The following PPP6R1 variants were observed in gnomAD, a reference collection of about 807,000 sequenced individuals.
PPP6R1 encodes the protein protein phosphatase 6 regulatory subunit 1, also known as serine/threonine-protein phosphatase 6 regulatory subunit 1.
Under a neutral mutation model 104.6 loss-of-function variants are expected in PPP6R1, and 39 were observed. The observed-to-expected ratio is 0.37, with a 90% CI of 0.29 to 0.49. The LOEUF (loss-of-function observed/expected upper bound fraction) is 0.49. Ranked by LOEUF, PPP6R1 falls within the 20% of genes least tolerant of loss-of-function variation. The pLI is 0.98. For synonymous variants in PPP6R1, 549 were observed against 479.0 expected (o/e 1.15, Z -1.91); for missense variants, 1,181 against 1,155.8 (o/e 1.02, Z -0.32).
chr19:55,238,968 GA>G, intron 15 of PPP6R1: 1 of 179,404 alleles, frequency 5.6e-6, no homozygotes. Context: ...CTGTGGAGGG[GA>G]AAACTGGACC....
At position 55,245,120 on chromosome 19, in the gene PPP6R1, A is replaced by G; in HGVS notation, c.618T>C (p.Asn206=). The G allele has an allele frequency of 3.1e-6, 5 of 1,613,316 alleles. No individual in the cohort carries two copies. The highest frequency in any genetic ancestry group is 2.2e-5 in the East Asian group (1 of 44,870). Residue 206 remains asparagine (N), a splice_region_variant and synonymous_variant, in exon 5 of 24, where the codon AAT becomes AAC. Transcript: ENST00000412770. The surrounding 1 kb of genome is among the most constrained non-coding windows in gnomAD (Gnocchi z 6.4). ...CCGCAGGGGCATCGGCAGCACTCAC[A>G]TTCTCATCCTTCGACGGGTGGATCT... ...IEQIHPSKDE[N]QHSNASQSLC...
downstream of PPP6R1, chr19:55,228,906 T>C (rs2087311879): frequency 4.4e-6 from 3 of 676,714 alleles, no homozygotes; most frequent in East Asian, 5.6e-5. Flanking sequence ...TGGCCCTGCC[T>C]GGCGCCCGCT....
At chr19:55,232,352 G>T (rs1429735571) in intron 17 of PPP6R1, 141 bp from the exon 18 acceptor site, 10 of 1,299,498 alleles carry the variant, frequency 7.7e-6, no homozygotes, top group Non-Finnish European at 1.0e-5. Flanking sequence ...GGAGCCTGGG[G>T]TGTGACGACA....
chr19:55,237,869 G>A (rs1196606573), intron 15 of PPP6R1, among the ~76,000 whole-genome samples: 3 of 152,180 alleles, frequency 2.0e-5, no homozygotes, highest in South Asian at 4.1e-4. Context: ...GCCTTGAGAT[G>A]ATCAAACCAG....
intron 17 of PPP6R1, 180 bp downstream of exon 17, chr19:55,236,463 C>T: frequency 2.9e-6 from 2 of 686,278 alleles, no homozygotes; most frequent in Non-Finnish European, 4.6e-6. Flanking sequence ...GCCCACCATG[C>T]TTGGCCTTGA....
At chr19:55,243,286 G>A (rs1470016360) in intron 5 of PPP6R1, among the ~76,000 whole-genome samples, 3 of 151,784 alleles carry the variant, frequency 2.0e-5, no homozygotes, top group South Asian at 2.1e-4. Context: ...AGTGGTAGGC[G>A]CCTGTAGTCC....
At chr19:55,228,754 G>A (rs1260873445), downstream of PPP6R1, 1 of 1,612,636 alleles carries the variant, frequency 6.2e-7, no homozygotes, top group Non-Finnish European at 8.5e-7. Context: ...TGGCCTGATA[G>A]CCCCAGAGCG....
In PPP6R1 at chr19:55,231,996, G is replaced by T. The variant is rs778414814; in HGVS notation, c.2126-14C>A. ...TCCAGCTGGGGCCTGGGATAGAGGT[G>T]GGGGAGCGGGATGGAGGGTGAACTC... On this transcript the variant is annotated splice_polypyrimidine_tract_variant and intron_variant, in intron 18 of 23. Transcript: ENST00000412770. The T allele has an allele frequency of 1.1e-5, 18 of 1,604,676 alleles. No individual in the cohort carries two copies. In the African/African-American group the frequency reaches 2.1e-4, roughly 19 times the overall value.
chr19:55,248,756 G>T (rs1156962077), intron 1 of PPP6R1, among the ~76,000 whole-genome samples: 2 of 152,238 alleles, frequency 1.3e-5, no homozygotes, highest in Non-Finnish European at 2.9e-5. Flanking sequence ...GCCCAGGGAA[G>T]AGACTTCATC....
chr19:55,233,462 A>C (rs1015614052), intron 17 of PPP6R1, among the ~76,000 whole-genome samples: 3 of 152,214 alleles, frequency 2.0e-5, no homozygotes, highest in African/African-American at 7.2e-5. Flanking sequence ...GCAACCAGGC[A>C]AGAAAAGGAA....
In PPP6R1 at chr19:55,231,435, G is replaced by A. The variant is rs200736594; in HGVS notation, c.2434C>T (p.Arg812Cys). Reference sequence around the variant, plus strand: ...CTGTCCGAGGAGCTGGGGGCAGAACGGATCCCGTGGAAGGTGGCCTGAAGG... The same window carrying A: ...CTGTCCGAGGAGCTGGGGGCAGAACAGATCCCGTGGAAGGTGGCCTGAAGG... ...GDLQATFHGI[R>C]SAPSSSDSAT... Residue 812 changes from arginine to cysteine, a missense_variant, in exon 21 of 24, where the codon CGT becomes TGT. This residue lies in a region of PPP6R1 where 1,042 missense variants were observed against 955.6 expected (regional missense o/e 1.09). Transcript: ENST00000412770. 5.6e-3 allele frequency: 8,932 copies of A among 1,605,470 alleles called. 40 individuals carry two copies. Among genetic ancestry groups the A allele is most frequent in the Non-Finnish European group, 6.7e-3 (7,876 of 1,176,580 alleles).
chr19:55,245,032 C>A lies in PPP6R1; in HGVS notation c.618+88G>T. ...GAATTACAGGCGTGAGCCACTGCGT[C>A]CAGCCCCAATTCCTCTTTTAAAAGT... On this transcript the variant is annotated intron_variant, in intron 5 of 23. Coordinates refer to ENST00000412770, the MANE Select transcript of PPP6R1 (RefSeq NM_014931.4). This position sits in a 1 kb window ranked among gnomAD's most constrained non-coding sequence, Gnocchi z 6.4. The A allele has an allele frequency of 6.5e-7, 1 of 1,539,920 alleles. No homozygotes were observed. The highest frequency in any genetic ancestry group is 8.8e-7 in the Non-Finnish European group (1 of 1,134,474).
Position 55,245,070 on chromosome 19 carries a change from A to G in PPP6R1, c.618+50T>C. On this transcript the variant is annotated intron_variant, in intron 5 of 23. Coordinates refer to ENST00000412770, the MANE Select transcript of PPP6R1 (RefSeq NM_014931.4). This position sits in a 1 kb window ranked among gnomAD's most constrained non-coding sequence, Gnocchi z 6.4. ...CTCTTTTAAAAGTGGGGAAGTGGGC[A>G]TGGGGAAGGAACTCTAAGGGGAATC... is the stretch of plus-strand genomic sequence containing the variant. The G allele has an allele frequency of 1.3e-6, 2 of 1,598,782 alleles. No homozygotes were observed. Among genetic ancestry groups the G allele is most frequent in the Non-Finnish European group, 1.7e-6 (2 of 1,171,602 alleles).
At chr19:55,232,337 T>C in intron 17 of PPP6R1, 126 bp from the exon 18 acceptor site, 1 of 1,400,972 alleles carries the variant, frequency 7.1e-7, no homozygotes, top group East Asian at 2.6e-5. Flanking sequence ...CACAGAAGGG[T>C]CCAGGGAGCC....
At chr19:55,252,396 A>ATT (rs1179232184) in intron 1 of PPP6R1, among the ~76,000 whole-genome samples, 27 of 70,564 alleles carry the variant, frequency 3.8e-4, no homozygotes, top group African/African-American at 6.6e-4. Flanking sequence ...TTCTTGGCTG[A>ATT]TTTTTTTTTT....
Position 55,239,506 on chromosome 19 carries a change from T to C in PPP6R1, c.1654-4A>G, listed in dbSNP as rs2087430056. ...GCATCTGGAAGTCCATGAAGGCCTG[T>C]GGGGGTGCGGAGGTTAGGGCTGGAG... On this transcript the variant is annotated splice_region_variant and splice_polypyrimidine_tract_variant and intron_variant, in intron 14 of 23. Transcript: ENST00000412770. 4 of 1,613,772 alleles carry C rather than the reference T, an allele frequency of 2.5e-6. No individual in the cohort carries two copies. In the East Asian group the frequency reaches 8.9e-5, roughly 36 times the overall value.
intron 1 of PPP6R1, among the ~76,000 whole-genome samples, chr19:55,256,323 G>A (rs546387719): frequency 4.6e-5 from 7 of 152,336 alleles, no homozygotes; most frequent in East Asian, 1.9e-4. Flanking sequence ...GGTTCTTTTC[G>A]GTGTTGGGGC....
rs374730352 is a variant in PPP6R1 at position 55,231,792 on chromosome 19, C to T, written c.2306+10G>A. The T allele has an allele frequency of 2.1e-5, 31 of 1,496,318 alleles. No individual in the cohort carries two copies. Among genetic ancestry groups the T allele is most frequent in the Admixed American group, 4.8e-5 (2 of 41,544 alleles). 92.7% of individuals were successfully genotyped at this position (1,496,318 alleles called of 1,614,324 possible). On this transcript the variant is annotated intron_variant, in intron 19 of 23. Coordinates refer to ENST00000412770, the MANE Select transcript of PPP6R1 (RefSeq NM_014931.4). ...CCAGCACCATTTAGCCCGTTCCATC[C>T]GGTTCTCACCTGAGCTGCAGGGCGT...
At position 55,258,444 on chromosome 19, in the gene PPP6R1, G is replaced by A. The variant is rs2087612248; in HGVS notation, c.-16C>T. Reference sequence around the variant, plus strand: ...GACGCGGGCCGCTCACCTGCGAGGGGGGGCGGCGGCTCCTCGCACTCGGGG... The same window carrying A: ...GACGCGGGCCGCTCACCTGCGAGGGAGGGCGGCGGCTCCTCGCACTCGGGG... On this transcript the variant is annotated 5_prime_UTR_variant, in exon 1 of 24. Transcript: ENST00000412770. 6.6e-6 allele frequency: 1 copy of A among 151,228 alleles called. No individual in the cohort carries two copies. The highest frequency in any genetic ancestry group is 1.9e-4 in the East Asian group (1 of 5,148). The allele number at this position is 151,228 out of a possible 1,614,324, so 9.4% of individuals were successfully genotyped here.
Sources: gnomAD v4.1 joint callset for allele counts (sites outside exome capture counted in the v4.1 genomes callset) on GRCh38, gnomAD v4.1.1 for gene constraint, gnomAD v4.1.1 regional missense constraint, Gnocchi (gnomAD v3.1) non-coding constraint, MANE v1.5 for transcripts, NCBI Gene and HGNC (gene_info 2026-07-23, HGNC 2026-07-21) for gene names.